The following NRXN3 variants were observed in gnomAD, a reference collection of about 807,000 sequenced individuals.
NRXN3 encodes neurexin 3, also known as neurexin III.
In NRXN3, 32 loss-of-function variants were observed where a neutral mutation model predicts 137.6. That is an observed-to-expected ratio of 0.23 (90% confidence interval 0.18 to 0.31). The LOEUF is 0.31. Ranked by LOEUF, NRXN3 falls within the 10% of genes least tolerant of loss-of-function variation. NRXN3 has a pLI of 1.00. For synonymous variants in NRXN3, 798 were observed against 784.5 expected, an observed-to-expected ratio of 1.02 and a Z score of -0.29; for missense variants, 1,574 against 2,062.5, an observed-to-expected ratio of 0.76 and a Z score of 4.59.
intron 15 of NRXN3, among the ~76,000 whole-genome samples, chr14:79,396,067 C>CA (rs1388507269): frequency 3.9e-5 from 6 of 151,980 alleles, no homozygotes; most frequent in Non-Finnish European, 7.4e-5. Context: ...ATGCATGCAC[C>CA]AATACATGCT....
At chr14:78,374,662 GGA>G (rs987940842) in intron 4 of NRXN3, among the ~76,000 whole-genome samples, 1 of 151,214 alleles carries the variant, frequency 6.6e-6, no homozygotes, top group Non-Finnish European at 1.5e-5. Context: ...CCCAGCTACT[GGA>G]GAGGCTGAGG....
At chr14:79,769,384 T>A in intron 19 of NRXN3, among the ~76,000 whole-genome samples, 1 of 151,414 alleles carries the variant, frequency 6.6e-6, no homozygotes, top group African/African-American at 2.4e-5. Flanking sequence ...AAAGGTCGGG[T>A]TACCCTCAAA....
chr14:78,917,937 T>G (rs981392948), intron 10 of NRXN3, among the ~76,000 whole-genome samples: 2 of 149,330 alleles, frequency 1.3e-5, no homozygotes, highest in Non-Finnish European at 3.0e-5. Flanking sequence ...CCTGAATATT[T>G]TCTAGATATG....
intron 16 of NRXN3, among the ~76,000 whole-genome samples, chr14:79,573,662 A>G (rs930257233): frequency 6.6e-6 from 1 of 152,122 alleles, no homozygotes; most frequent in Non-Finnish European, 1.5e-5. Context: ...TAAGAGGAAC[A>G]TAAGGAAACT....
intron 15 of NRXN3, among the ~76,000 whole-genome samples, chr14:79,213,636 G>A (rs557115094): frequency 2.6e-5 from 4 of 151,000 alleles, no homozygotes; most frequent in African/African-American, 9.7e-5. Context: ...GGGGGGGGGT[G>A]GCGGGAACAA....
chr14:78,271,895 G>C (rs369536755), intron 2 of NRXN3, among the ~76,000 whole-genome samples: 40 of 152,298 alleles, frequency 2.6e-4, no homozygotes, highest in African/African-American at 9.4e-4. Flanking sequence ...TGTTTGAAGA[G>C]CTCAGACACT....
At chr14:78,269,077 C>G (rs1024625975) in intron 2 of NRXN3, among the ~76,000 whole-genome samples, 5 of 152,166 alleles carry the variant, frequency 3.3e-5, no homozygotes, top group Non-Finnish European at 5.9e-5. Flanking sequence ...TCAAACCTCA[C>G]AGCAACCTGG....
chr14:78,502,289 C>T (rs1384436075), intron 4 of NRXN3, among the ~76,000 whole-genome samples: 4 of 152,184 alleles, frequency 2.6e-5, no homozygotes, highest in Non-Finnish European at 4.4e-5. Context: ...GATCTGCCTG[C>T]TACCTAGCAA....
intron 15 of NRXN3, among the ~76,000 whole-genome samples, chr14:79,092,781 T>TCC (rs1360844520): frequency 6.6e-6 from 1 of 152,120 alleles, no homozygotes; most frequent in Non-Finnish European, 1.5e-5. Context: ...CCCACCTTGC[T>TCC]CCATTGTTCA....
At chr14:78,393,370 A>G (rs1420351211) in intron 4 of NRXN3, among the ~76,000 whole-genome samples, 4 of 152,078 alleles carry the variant, frequency 2.6e-5, no homozygotes, top group East Asian at 1.9e-4. Context: ...TCATCAAGAT[A>G]CAGACCATTT....
Position 78,243,201 on chromosome 14 carries a change from G to C in NRXN3, c.108G>C (p.Gln36His). The C allele has an allele frequency of 6.5e-7, 1 of 1,545,806 alleles. No homozygotes were observed. Among genetic ancestry groups the C allele is most frequent in the African/African-American group, 1.4e-5 (1 of 73,564 alleles). Residue 36 changes from glutamine to histidine, a missense_variant, in exon 2 of 21, where the codon CAG becomes CAC. This residue lies in a region of NRXN3 where 400 missense variants were observed against 527.3 expected (regional missense o/e 0.76). Transcript: ENST00000335750. This position sits in a 1 kb window ranked among gnomAD's most constrained non-coding sequence, Gnocchi z 4.2. The stretch of plus-strand genomic sequence containing the variant: ...TTGAGTTCATGGGCCTCCCCAACCA[G>C]TGGGCCCGCTACCTCCGCTGGGATG... Reference protein sequence around the residue: ...LGLEFMGLPNQWARYLRWDAS... With the variant: ...LGLEFMGLPNHWARYLRWDAS...
chr14:78,559,110 T>A lies in NRXN3; in HGVS notation c.758-86010T>A, dbSNP rs567861370. On this transcript the variant is annotated intron_variant, in intron 4 of 20. Transcript: ENST00000335750. ...CATCAGTAGCACAAGGCCTCCCTGGTTTTATTTATTTTTCCCTTCATCCCT... is the reference window on the plus strand; with the variant it reads ...CATCAGTAGCACAAGGCCTCCCTGGATTTATTTATTTTTCCCTTCATCCCT... 1.5e-4 allele frequency among the ~76,000 whole-genome samples: 22 copies of A among 151,570 alleles called. 1 individual carries two copies. The highest frequency in any genetic ancestry group is 4.4e-4 in the African/African-American group (18 of 40,870).
intron 19 of NRXN3, among the ~76,000 whole-genome samples, chr14:79,792,525 A>G (rs1293449878): frequency 6.6e-6 from 1 of 152,248 alleles, no homozygotes; most frequent in Non-Finnish European, 1.5e-5. Context: ...CTAGAAGACT[A>G]CAAGAAAAAA....
chr14:78,599,156 C>T (rs1262884996), intron 4 of NRXN3, among the ~76,000 whole-genome samples: 3 of 152,240 alleles, frequency 2.0e-5, no homozygotes, highest in Non-Finnish European at 4.4e-5. Context: ...GGACAAGAAT[C>T]CCCAATTTAC....
intron 15 of NRXN3, among the ~76,000 whole-genome samples, chr14:79,216,781 C>T (rs1163656072): frequency 6.6e-6 from 1 of 152,092 alleles, no homozygotes; most frequent in Non-Finnish European, 1.5e-5. Context: ...ATTATAGGGA[C>T]ATTGTGTTAT....
At chr14:79,397,669 C>A (rs2095065735) in intron 15 of NRXN3, among the ~76,000 whole-genome samples, 1 of 152,088 alleles carries the variant, frequency 6.6e-6, no homozygotes, top group African/African-American at 2.4e-5. Context: ...TGATCAAACC[C>A]AAGAATCCAT....
At chr14:78,381,361 G>A (rs1283650828) in intron 4 of NRXN3, among the ~76,000 whole-genome samples, 1 of 152,064 alleles carries the variant, frequency 6.6e-6, no homozygotes, top group Non-Finnish European at 1.5e-5. Flanking sequence ...GTTATGGAGT[G>A]GGAGAAAATA....
At chr14:78,225,734 A>T (rs969725546) in intron 1 of NRXN3, among the ~76,000 whole-genome samples, 1 of 152,014 alleles carries the variant, frequency 6.6e-6, no homozygotes, top group Non-Finnish European at 1.5e-5. Flanking sequence ...CGAACATCCC[A>T]TGATCTTTCC....
At chr14:79,073,822 A>G (rs1200013608) in intron 15 of NRXN3, among the ~76,000 whole-genome samples, 1 of 152,096 alleles carries the variant, frequency 6.6e-6, no homozygotes, top group East Asian at 1.9e-4. Flanking sequence ...TCAAGAAAAC[A>G]TTTTCTCAAG....
Sources: allele counts gnomAD v4.1 joint callset (sites outside exome capture counted in the v4.1 genomes callset), GRCh38; gene constraint gnomAD v4.1.1; regional missense constraint gnomAD v4.1.1; non-coding constraint Gnocchi (gnomAD v3.1); transcripts MANE v1.5; gene names NCBI Gene and HGNC (gene_info 2026-07-23, HGNC 2026-07-21).